Variants in NIBAN3 observed in about 807,000 individuals in gnomAD.
The protein encoded by NIBAN3 is protein Niban 3.
In NIBAN3, 66 loss-of-function variants were observed where a neutral mutation model predicts 76.4. The ratio of observed to expected loss-of-function variants is 0.86; its 90% CI spans 0.71 to 1.06. The LOEUF (loss-of-function observed/expected upper bound fraction) is 1.06. Ranked by LOEUF, NIBAN3 falls within the 50% of genes least tolerant of loss-of-function variation. The pLI is 0.00. For synonymous variants in NIBAN3, 360 were observed against 355.2 expected (o/e 1.01, Z -0.15); for missense variants, 808 against 810.7 (o/e 1.00, Z 0.04).
chr19:17,539,485 G>A (rs771764609), intron 7 of NIBAN3, 34 bp downstream of exon 7: 2 of 1,457,252 alleles, frequency 1.4e-6, no homozygotes, highest in South Asian at 2.8e-5. Flanking sequence ...GATAGGGGGC[G>A]GGATGCGGGC....
intron 12 of NIBAN3, among the ~76,000 whole-genome samples, chr19:17,545,064 G>A (rs1218799902): frequency 3.3e-5 from 5 of 152,054 alleles, no homozygotes; most frequent in East Asian, 1.9e-4. Context: ...TTGGGAGGCC[G>A]AGGTGGGAGG....
At chr19:17,530,456 C>G (rs1445817569) in intron 1 of NIBAN3, among the ~76,000 whole-genome samples, 2 of 150,400 alleles carry the variant, frequency 1.3e-5, no homozygotes, top group Non-Finnish European at 2.9e-5. Flanking sequence ...TTGCTTGAAC[C>G]CAGGAGGCAG....
upstream of NIBAN3, among the ~76,000 whole-genome samples, chr19:17,525,886 G>A (rs2075601525): frequency 6.6e-6 from 1 of 151,642 alleles, no homozygotes; most frequent in African/African-American, 2.4e-5. Context: ...GATCACCTGA[G>A]GTCAGGAGTT....
At position 17,539,174 on chromosome 19, in the gene NIBAN3, CT is replaced by C; in HGVS notation, c.621del (p.Ala208ProfsTer23). ...GIVLQRSQAP[A>X]ARAFLDAVRL... is the part of the protein sequence containing the mutation. ...GTCCTGCAGCGAAGCCAGGCCCCTG[CT>C]GCCCGGGCCTTCCTGGACGCCGTCC... On this transcript the variant is annotated frameshift_variant, in exon 6 of 15. Transcript: ENST00000599164. LOFTEE classifies it high-confidence loss of function. 6.3e-7 allele frequency: 1 copy of C among 1,599,922 alleles called. No homozygotes were observed. The highest frequency in any genetic ancestry group is 8.5e-7 in the Non-Finnish European group (1 of 1,173,904).
chr19:17,549,620 G>A (rs530591259), intron 14 of NIBAN3, 93 bp downstream of exon 14: 91 of 1,009,758 alleles, frequency 9.0e-5, no homozygotes, highest in Non-Finnish European at 1.2e-4. Context: ...TGTCATGAGT[G>A]TGGGTTCATG....
chr19:17,524,430 C>T (rs1218275870), upstream of NIBAN3, among the ~76,000 whole-genome samples: 5 of 145,234 alleles, frequency 3.4e-5, no homozygotes, highest in East Asian at 1.0e-3. Flanking sequence ...GGATTACAGG[C>T]GCCCACCACA....
Position 17,553,525 on chromosome 19 carries a change from CA to C in NIBAN3, c.*1628del. 6.2e-7 allele frequency: 1 copy of C among 1,614,234 alleles called. No individual in the cohort carries two copies. ...ACACTCCCTGGAGACCGTTTCCTCC[CA>C]TTCTGTCTGGAGTTTTCGGCCTACC... is the stretch of plus-strand genomic sequence containing the variant. On this transcript the variant is annotated 3_prime_UTR_variant, in exon 15 of 15. Transcript: ENST00000599164.
At chr19:17,547,894 T>A (rs529970220) in intron 13 of NIBAN3, among the ~76,000 whole-genome samples, 1 of 152,246 alleles carries the variant, frequency 6.6e-6, no homozygotes, top group African/African-American at 2.4e-5. Context: ...CTCGAACTCA[T>A]GACCTCGTGA....
intron 1 of NIBAN3, among the ~76,000 whole-genome samples, chr19:17,528,688 TG>T (rs2075656024): frequency 6.6e-6 from 1 of 152,128 alleles, no homozygotes; most frequent in Admixed American, 6.6e-5. Flanking sequence ...GGGTTGGTAT[TG>T]GCCTTACCCT....
chr19:17,542,838 C>T lies in NIBAN3; in HGVS notation c.1330-479C>T, dbSNP rs562181868. Among the ~76,000 whole-genome samples, 6 of 151,744 alleles carry T rather than the reference C, an allele frequency of 4.0e-5. No homozygotes were observed. Among genetic ancestry groups the T allele is most frequent in the Non-Finnish European group, 8.8e-5 (6 of 67,938 alleles). ...CATAGGGAGCACAGGCTGTTGGGGA[C>T]AGGAAAAGAGGAGGCAGGGAGGAGG... On this transcript the variant is annotated intron_variant, in intron 10 of 14. Transcript: ENST00000599164. This position sits in a 1 kb window ranked among gnomAD's most constrained non-coding sequence, Gnocchi z 4.8.
chr19:17,543,917 G>A lies in NIBAN3; in HGVS notation c.1554+286G>A, dbSNP rs555770400. The A allele has an allele frequency of 3.8e-5, 9 of 236,282 alleles. No homozygotes were observed. In the South Asian group the frequency reaches 4.0e-4, roughly 11 times the overall value. The allele number at this position is 236,282 out of a possible 1,614,324, so 14.6% of individuals were successfully genotyped here. On this transcript the variant is annotated intron_variant, in intron 12 of 14. Transcript: ENST00000599164. ...TGAAGCAGGAAAATCGCTTGAACCC[G>A]GGAGGGGAAGGTTGCAGTGAGCCGA...
upstream of NIBAN3, among the ~76,000 whole-genome samples, chr19:17,526,052 TA>T (rs1037612661): frequency 2.7e-5 from 4 of 145,474 alleles, no homozygotes; most frequent in Non-Finnish European, 3.0e-5. Flanking sequence ...AGACACCGTT[TA>T]AAAAAAAAAG....
intron 14 of NIBAN3, 49 bp downstream of exon 14, chr19:17,549,576 G>A (rs1208018588): frequency 6.8e-7 from 1 of 1,470,716 alleles, no homozygotes. Flanking sequence ...TGCTGGGGGT[G>A]GGGAGGTGGA....
rs776053708 is a variant in NIBAN3, at chr19:17,553,482, G to C, written c.*1584G>C. ...GGGATTCCCGTGTGTTCTTGGTTCA[G>C]CTTGCAGAGGGACTTTCACACTCCC... On this transcript the variant is annotated 3_prime_UTR_variant, in exon 15 of 15. Coordinates refer to ENST00000599164, the MANE Select transcript of NIBAN3 (RefSeq NM_001321827.2). 2.5e-6 allele frequency: 4 copies of C among 1,614,188 alleles called. No homozygotes were observed. In the East Asian group the frequency reaches 6.7e-5, roughly 27 times the overall value.
intron 2 of NIBAN3, among the ~76,000 whole-genome samples, chr19:17,531,899 A>G (rs1818271252): frequency 6.6e-6 from 1 of 152,242 alleles, no homozygotes; most frequent in South Asian, 2.1e-4. Flanking sequence ...TTTGGTAGAC[A>G]GGTCTTTGAC....
Position 17,553,151 on chromosome 19 carries a change from C to G in NIBAN3, c.*1253C>G, listed in dbSNP as rs1417238682. 8 of 1,005,884 alleles carry G rather than the reference C, an allele frequency of 8.0e-6. No individual in the cohort carries two copies. In the Admixed American group the frequency reaches 2.4e-4, roughly 31 times the overall value. 62.3% of individuals were successfully genotyped at this position (1,005,884 alleles called of 1,614,324 possible). On this transcript the variant is annotated 3_prime_UTR_variant, in exon 15 of 15. Transcript: ENST00000599164. ...TTTTTTTTTTAATTTCAGTGAATTG[C>G]CTGTTCATAGCTTTTTTCTACTTTT...
At chr19:17,533,415 CAA>C (rs66723561) in intron 3 of NIBAN3, 170 bp from the exon 4 acceptor site, 254,093 of 428,588 alleles carry the variant, frequency 0.59, 50,942 homozygotes, top group African/African-American at 0.79. Flanking sequence ...GTCTCAAAAA[CAA>C]AAAAAAAAAA....
rs74767124 is a variant in NIBAN3 at position 17,542,079 on chromosome 19, G to A, written c.1171-57G>A. 12,511 of 1,600,782 alleles carry A rather than the reference G, an allele frequency of 7.8e-3. 493 individuals carry two copies. The African/African-American group carries it at 0.11, about 14-fold the overall frequency. On this transcript the variant is annotated intron_variant, in intron 9 of 14. Coordinates refer to ENST00000599164, the MANE Select transcript of NIBAN3 (RefSeq NM_001321827.2). This position sits in a 1 kb window ranked among gnomAD's most constrained non-coding sequence, Gnocchi z 4.8. ...TTGGTGAATTGGTAATGGGGTCCCT[G>A]GCCCTTTGCAATCAGCTGACAGCAT...
chr19:17,526,831 T>C (rs2075614432), upstream of NIBAN3, among the ~76,000 whole-genome samples: 1 of 151,744 alleles, frequency 6.6e-6, no homozygotes. Flanking sequence ...AGCACTGACC[T>C]CAGGGACAGT....
Sources: gnomAD v4.1 joint callset for allele counts (sites outside exome capture counted in the v4.1 genomes callset) on GRCh38, gnomAD v4.1.1 for gene constraint, Gnocchi (gnomAD v3.1) non-coding constraint, MANE v1.5 for transcripts, NCBI Gene and HGNC (gene_info 2026-07-23, HGNC 2026-07-21) for gene names.